ROR1: variants seen among roughly 807,000 people sequenced by gnomAD.
ROR1 encodes the protein ROR family WNT receptor 1.
Under a neutral mutation model 78.8 loss-of-function variants are expected in ROR1, and 19 were observed. The observed-to-expected ratio is 0.24, with a 90% confidence interval of 0.17 to 0.35. The LOEUF is 0.35. Ranked by LOEUF, ROR1 falls within the 10% of genes least tolerant of loss-of-function variation. The pLI is 1.00. For missense variants in ROR1, 917 were observed against 1,177.8 expected (o/e 0.78, Z 3.24); for synonymous variants, 386 against 433.6 (o/e 0.89, Z 1.36).
At chr1:63,909,363 A>G (rs1645552102) in intron 1 of ROR1, among the ~76,000 whole-genome samples, 1 of 152,196 alleles carries the variant, frequency 6.6e-6, no homozygotes, top group Non-Finnish European at 1.5e-5. Context: ...TTACAATAGC[A>G]TCTGTATGCA....
chr1:64,083,565 AG>A (rs1241960967), intron 4 of ROR1, among the ~76,000 whole-genome samples: 1 of 118,686 alleles, frequency 8.4e-6, no homozygotes, highest in Non-Finnish European at 1.9e-5. Context: ...TTTCCAGAAG[AG>A]GGCTTTAAAG....
At position 64,159,315 on chromosome 1, in the gene ROR1, C is replaced by G. The variant is rs985681515; in HGVS notation, c.1386+123C>G. ...TCAGAGTTTTATAAGTGCTAAGGTT[C>G]ATTTTAACCAAATGCAAAGACGAAC... On this transcript the variant is annotated intron_variant, in intron 8 of 8. Coordinates refer to ENST00000371079, the MANE Select transcript of ROR1 (RefSeq NM_005012.4). The G allele has an allele frequency of 6.7e-6, 5 of 748,598 alleles. No individual in the cohort carries two copies. In the African/African-American group the frequency reaches 8.8e-5, roughly 13 times the overall value. 46.4% of individuals were successfully genotyped at this position (748,598 alleles called of 1,614,324 possible). A position where few individuals can be genotyped will look rare whatever the true frequency, so the allele number is the denominator to read the frequency against.
intron 4 of ROR1, chr1:64,106,470 GC>G (rs2100664815): frequency 6.6e-6 from 1 of 152,184 alleles, no homozygotes; most frequent in East Asian, 1.9e-4. Context: ...TTGCCCGATT[GC>G]CCTGGCCAAA....
At chr1:64,128,356 C>G (rs1037855244) in intron 4 of ROR1, among the ~76,000 whole-genome samples, 24 of 150,940 alleles carry the variant, frequency 1.6e-4, no homozygotes, top group African/African-American at 5.6e-4. Flanking sequence ...GTAGTTACAG[C>G]TACTCAGGAG....
chr1:64,105,829 G>C (rs1284996426), intron 4 of ROR1: 1 of 152,098 alleles, frequency 6.6e-6, no homozygotes, highest in African/African-American at 2.4e-5. Context: ...GTTTGTTTTG[G>C]TACCAGTACC....
intron 1 of ROR1, among the ~76,000 whole-genome samples, chr1:63,973,729 G>A (rs750048520): frequency 6.6e-6 from 1 of 152,018 alleles, no homozygotes; most frequent in Non-Finnish European, 1.5e-5. Context: ...CTAGGGGTGG[G>A]GTCTGGGAAT....
At chr1:63,947,338 C>T (rs978038438) in intron 1 of ROR1, among the ~76,000 whole-genome samples, 5 of 152,252 alleles carry the variant, frequency 3.3e-5, no homozygotes, top group East Asian at 3.9e-4. Context: ...CTATAATTTC[C>T]GTTCTGACCT....
At chr1:63,782,693 A>C (rs1178231182) in intron 1 of ROR1, among the ~76,000 whole-genome samples, 1 of 152,020 alleles carries the variant, frequency 6.6e-6, no homozygotes, top group Non-Finnish European at 1.5e-5. Context: ...TTTGTGTCTG[A>C]CCACTTCATG....
chr1:64,168,502 G>A (rs1650148796), intron 8 of ROR1, among the ~76,000 whole-genome samples: 2 of 152,002 alleles, frequency 1.3e-5, no homozygotes, highest in South Asian at 2.1e-4. Flanking sequence ...TTCTTTCATG[G>A]CCCCTCATAT....
chr1:63,838,900 A>G (rs1569796391), intron 1 of ROR1, among the ~76,000 whole-genome samples: 2 of 152,224 alleles, frequency 1.3e-5, no homozygotes, highest in Admixed American at 6.5e-5. Flanking sequence ...GTTTAGCTAT[A>G]CAGATACCAT....
intron 4 of ROR1, among the ~76,000 whole-genome samples, chr1:64,086,028 G>C (rs7521581): frequency 0.32 from 49,134 of 152,030 alleles, 9,720 homozygotes; most frequent in East Asian, 0.59. Context: ...CCCAAGTTAA[G>C]GGACATATGG....
At chr1:64,150,227 C>T (rs1238645319) in intron 7 of ROR1, among the ~76,000 whole-genome samples, 2 of 151,990 alleles carry the variant, frequency 1.3e-5, no homozygotes, top group Admixed American at 6.6e-5. Context: ...TACTCCTAAA[C>T]CAGCTTCACC....
chr1:63,873,331 G>C (rs1256468790), intron 1 of ROR1, among the ~76,000 whole-genome samples: 1 of 152,104 alleles, frequency 6.6e-6, no homozygotes, highest in African/African-American at 2.4e-5. Context: ...GAATTTTCTT[G>C]TTGTTGTTGG....
intron 1 of ROR1, among the ~76,000 whole-genome samples, chr1:63,780,703 C>T (rs922257364): frequency 5.3e-5 from 8 of 152,154 alleles, no homozygotes; most frequent in African/African-American, 1.9e-4. Context: ...GAGCAGTACC[C>T]AGGCCAGTGC....
rs543495776 is a variant in ROR1 at position 63,787,821 on chromosome 1, C to T, written c.91+13313C>T. ...GATTACAGGCATAAGCCACTGCACC[C>T]GGCCTATCGCCCTGATTTCAATCCC... is the stretch of plus-strand genomic sequence containing the variant. On this transcript the variant is annotated intron_variant, in intron 1 of 8. Coordinates refer to ENST00000371079, the MANE Select transcript of ROR1 (RefSeq NM_005012.4). Among the ~76,000 whole-genome samples, 13 of 152,342 alleles carry T rather than the reference C, an allele frequency of 8.5e-5. 1 individual carries two copies. The East Asian group carries it at 2.3e-3, about 27-fold the overall frequency.
At chr1:64,119,360 G>A (rs1304668502) in intron 4 of ROR1, among the ~76,000 whole-genome samples, 2 of 152,128 alleles carry the variant, frequency 1.3e-5, no homozygotes, top group Non-Finnish European at 2.9e-5. Context: ...ATGGCTGGCA[G>A]CCAGGTACAG....
chr1:63,821,781 C>T (rs971412062), intron 1 of ROR1, among the ~76,000 whole-genome samples: 3 of 152,082 alleles, frequency 2.0e-5, no homozygotes, highest in African/African-American at 4.8e-5. Flanking sequence ...ATATTTTGGC[C>T]GGAGGAAAAT....
At chr1:64,074,045 G>C (rs1335605450) in intron 4 of ROR1, among the ~76,000 whole-genome samples, 3 of 152,166 alleles carry the variant, frequency 2.0e-5, no homozygotes, top group African/African-American at 7.2e-5. Context: ...AATTCAATAA[G>C]GTCAGGGACA....
chr1:64,017,518 G>T (rs1205771318), intron 2 of ROR1, among the ~76,000 whole-genome samples: 1 of 152,098 alleles, frequency 6.6e-6, no homozygotes, highest in East Asian at 1.9e-4. Flanking sequence ...TTCAAAACCT[G>T]CTCAAAGGGG....
Sources: gnomAD v4.1 joint callset for allele counts (sites outside exome capture counted in the v4.1 genomes callset) on GRCh38, gnomAD v4.1.1 for gene constraint, MANE v1.5 for transcripts, NCBI Gene and HGNC (gene_info 2026-07-23, HGNC 2026-07-21) for gene names.